NHS: variants seen among roughly 807,000 people sequenced by gnomAD.
NHS encodes the protein NHS actin remodeling regulator.
Under a neutral mutation model 72.5 loss-of-function variants are expected in NHS, and 5 were observed. The observed-to-expected ratio is 0.07, with a 90% CI of 0.04 to 0.14. The LOEUF (loss-of-function observed/expected upper bound fraction) is 0.14, where lower values mean the gene tolerates loss of function less well. NHS is among the 10% of genes least tolerant of loss of function. The pLI is 1.00. For synonymous variants in NHS, 464 were observed against 547.7 expected (o/e 0.85, Z 2.13); for missense variants, 1,072 against 1,355.7 (o/e 0.79, Z 3.29).
intron 1 of NHS, among the ~76,000 whole-genome samples, chrX:17,381,347 G>A (rs186281768): frequency 4.5e-5 from 5 of 111,536 alleles, no homozygotes; most frequent in East Asian, 5.6e-4. Flanking sequence ...ATAAGTGTTC[G>A]TCTTGGTTGA....
chrX:17,646,098 AT>A, intron 1 of NHS, among the ~76,000 whole-genome samples: 1 of 111,185 alleles, frequency 9.0e-6, no homozygotes, highest in East Asian at 2.9e-4. Flanking sequence ...ATTAGCCACC[AT>A]GCCCAGCTAA....
At chrX:17,553,220 ATGGAATTGAACAAGGCC>A (rs1213900462) in intron 1 of NHS, among the ~76,000 whole-genome samples, 1 of 112,608 alleles carries the variant, frequency 8.9e-6, no homozygotes, top group East Asian at 2.8e-4. Context: ...CCTTTGGGGT[ATGGAATTGAACAAGGCC>A]TGAGCCAGGA....
At chrX:17,720,510 AGT>A (rs756423009) in intron 4 of NHS, among the ~76,000 whole-genome samples, 18 of 112,792 alleles carry the variant, frequency 1.6e-4, no homozygotes, top group African/African-American at 5.8e-4. Context: ...GTGAAAACTG[AGT>A]CTTTTAATCA....
chrX:17,460,433 T>C (rs1282752840), intron 1 of NHS, among the ~76,000 whole-genome samples: 1 of 111,127 alleles, frequency 9.0e-6, no homozygotes, highest in Non-Finnish European at 1.9e-5. Flanking sequence ...CAAGAGAGTG[T>C]ACACAGGGGA....
intron 3 of NHS, among the ~76,000 whole-genome samples, chrX:17,718,983 G>A (rs180875602): frequency 1.1e-5 from 1 of 95,097 alleles, no homozygotes; most frequent in Admixed American, 1.2e-4. Flanking sequence ...AAGAAAGGAT[G>A]GAGGGAAGGA....
Position 17,375,964 on chromosome X carries a change from G to A in NHS, c.207G>A (p.Pro69=), listed in dbSNP as rs1205728054. The stretch of plus-strand genomic sequence containing the variant: ...TCCCTGCACCTTCAGGGCTGCCACC[G>A]CCGCCGCCGCCACTGCCCGCGCCGG... ...RAVPAPSGLP[P]PPPPLPAPAD... The change falls in exon 1 of 9, where the codon CCG becomes CCA. Residue 69 remains proline, a synonymous_variant. Coordinates refer to ENST00000676302, the MANE Select transcript of NHS (RefSeq NM_001291867.2). 4 of 1,051,819 alleles carry A rather than the reference G, an allele frequency of 3.8e-6. No homozygotes were observed. Among genetic ancestry groups the A allele is most frequent in the East Asian group, 4.3e-5 (1 of 23,527 alleles). 86.7% of individuals were successfully genotyped at this position (1,051,819 alleles called of 1,213,427 possible).
At chrX:17,619,109 G>A (rs188925497) in intron 1 of NHS, among the ~76,000 whole-genome samples, 20 of 112,297 alleles carry the variant, frequency 1.8e-4, no homozygotes, top group Admixed American at 2.8e-4. Context: ...GAGTTATGAC[G>A]AATGAGATGT....
intron 1 of NHS, among the ~76,000 whole-genome samples, chrX:17,633,829 C>T (rs752754543): frequency 7.2e-5 from 8 of 111,851 alleles, no homozygotes; most frequent in African/African-American, 9.7e-5. Context: ...CTTTCATTCG[C>T]GACAGTCTTT....
chrX:17,489,280 G>T (rs2064980122), intron 1 of NHS, among the ~76,000 whole-genome samples: 1 of 111,893 alleles, frequency 8.9e-6, no homozygotes, highest in South Asian at 3.8e-4. Flanking sequence ...ACAATAGAAT[G>T]ATTTATAGTC....
At chrX:17,385,163 A>G (rs1243288256) in intron 1 of NHS, among the ~76,000 whole-genome samples, 1 of 112,149 alleles carries the variant, frequency 8.9e-6, no homozygotes, top group African/African-American at 3.2e-5. Flanking sequence ...GATATGGTCA[A>G]GTTTTGTTTC....
intron 1 of NHS, among the ~76,000 whole-genome samples, chrX:17,591,426 T>A (rs779784389): frequency 8.9e-4 from 100 of 111,925 alleles, no homozygotes; most frequent in African/African-American, 3.1e-3. Flanking sequence ...CAGAAGCCGA[T>A]GCATACTTGC....
chrX:17,540,232 G>T (rs907330232), intron 1 of NHS, among the ~76,000 whole-genome samples: 13 of 111,529 alleles, frequency 1.2e-4, no homozygotes, highest in African/African-American at 3.9e-4. Flanking sequence ...AGTAACCCTA[G>T]GGAGGAGTTG....
intron 3 of NHS, among the ~76,000 whole-genome samples, chrX:17,709,470 G>C (rs983845246): frequency 8.9e-6 from 1 of 111,936 alleles, no homozygotes; most frequent in Non-Finnish European, 1.9e-5. Context: ...GAGCAAGCCA[G>C]AGGGTAAAAG....
chrX:17,547,052 G>T (rs1028908829), intron 1 of NHS, among the ~76,000 whole-genome samples: 2 of 112,147 alleles, frequency 1.8e-5, no homozygotes, highest in African/African-American at 6.5e-5. Flanking sequence ...CCTTTTCTTT[G>T]CACCCTTCAG....
intron 1 of NHS, among the ~76,000 whole-genome samples, chrX:17,445,914 C>T (rs1213862668): frequency 1.8e-5 from 2 of 110,031 alleles, no homozygotes; most frequent in Admixed American, 9.7e-5. Context: ...CGCTGAACCC[C>T]CTTGGGCCCC....
intron 1 of NHS, among the ~76,000 whole-genome samples, chrX:17,608,716 G>A (rs374054314): frequency 1.1e-4 from 12 of 109,583 alleles, no homozygotes; most frequent in African/African-American, 3.3e-4. Context: ...GTGTGTTGAA[G>A]CCCTTGTCGC....
At chrX:17,706,275 C>T (rs112556998) in intron 3 of NHS, among the ~76,000 whole-genome samples, 3,146 of 110,946 alleles carry the variant, frequency 0.028, 44 homozygotes, top group Non-Finnish European at 0.047. Context: ...TGGATTGGAT[C>T]CTGGTTGAGG....
chrX:17,718,914 G>A (rs1179717031), intron 3 of NHS, among the ~76,000 whole-genome samples: 1 of 93,087 alleles, frequency 1.1e-5, no homozygotes, highest in Non-Finnish European at 2.1e-5. Context: ...AAGAGGAAAG[G>A]AAGGAAGAAA....
intron 1 of NHS, among the ~76,000 whole-genome samples, chrX:17,561,617 C>T (rs1341337649): frequency 9.8e-6 from 1 of 101,726 alleles, no homozygotes; most frequent in African/African-American, 3.5e-5. Flanking sequence ...CACACACACA[C>T]ACATCATGCC....
Sources: gnomAD v4.1 joint callset for allele counts (sites outside exome capture counted in the v4.1 genomes callset) on GRCh38, gnomAD v4.1.1 for gene constraint, MANE v1.5 for transcripts, NCBI Gene and HGNC (gene_info 2026-07-23, HGNC 2026-07-21) for gene names.